Variants in GAS6 observed in about 807,000 individuals in gnomAD.
GAS6 encodes the protein growth arrest-specific protein 6.
GAS6 carries 41 observed loss-of-function variants against 75.8 expected under a neutral mutation model. That is an observed-to-expected ratio of 0.54 (90% confidence interval 0.42 to 0.70). GAS6 has a LOEUF of 0.70. GAS6 is among the 30% of genes least tolerant of loss of function. GAS6 has a pLI of 0.00. For synonymous variants in GAS6, 432 were observed against 412.6 expected, an observed-to-expected ratio of 1.05 and a Z score of -0.57; for missense variants, 854 against 940.2, an observed-to-expected ratio of 0.91 and a Z score of 1.20.
intron 3 of GAS6, chr13:113,847,124 G>A (rs765518349): frequency 2.0e-4 from 73 of 363,190 alleles, no homozygotes; most frequent in Non-Finnish European, 3.8e-4. Flanking sequence ...AGAACGGTGC[G>A]GGGCCTCTCG....
rs1178407254 is a variant in GAS6, at chr13:113,851,771, G to A, written c.256-3721C>T. On this transcript the variant is annotated intron_variant, in intron 2 of 14. Transcript: ENST00000327773. ...TCAGTTTCACTTAAATCATAGATAA[G>A]TACTTGGAAGAAAAGTCAAAATCAA... Among the ~76,000 whole-genome samples the A allele has an allele frequency of 4.6e-5, 7 of 152,358 alleles. No homozygotes were observed. In the East Asian group the frequency reaches 9.6e-4, roughly 21 times the overall value.
At chr13:113,842,744 G>A (rs2051799541) in intron 4 of GAS6, 1 of 396,952 alleles carries the variant, frequency 2.5e-6, no homozygotes, top group Non-Finnish European at 4.4e-6. Context: ...GGGATGTCTG[G>A]GGGATGCTGT....
At chr13:113,842,143 T>TCAGTTTCCTCCATACACCC (rs1409549172) in intron 4 of GAS6, 1 of 125,440 alleles carries the variant, frequency 8.0e-6, no homozygotes, top group African/African-American at 4.6e-5. Context: ...TCTGTATGCT[T>TCAGTTTCCTCCATACACCC]CAGTTTCCTC....
chr13:113,833,606 G>GTCGGTGTGACAGA (rs2138632897), intron 8 of GAS6: 1 of 996,116 alleles, frequency 1.0e-6, no homozygotes, highest in South Asian at 3.8e-5. Context: ...GGTGTGACAG[G>GTCGGTGTGACAGA]CACCGGTGTG....
intron 4 of GAS6, chr13:113,843,096 C>A (rs778986800): frequency 1.8e-4 from 68 of 371,818 alleles, no homozygotes; most frequent in Non-Finnish European, 3.1e-4. Context: ...TTCCTCCACA[C>A]AACAGGGAAA....
chr13:113,834,482 C>T, intron 8 of GAS6, 69 bp downstream of exon 8: 1 of 1,403,692 alleles, frequency 7.1e-7, no homozygotes, highest in South Asian at 1.6e-5. Context: ...AGTGTTTCTC[C>T]CGAAAGCCCC....
intron 8 of GAS6, chr13:113,833,423 C>G: frequency 1.0e-6 from 1 of 993,990 alleles, no homozygotes; most frequent in Non-Finnish European, 1.2e-6. Flanking sequence ...CTCCGAGAAG[C>G]TGTCCTGGTG....
Position 113,822,145 on chromosome 13 carries a change from C to G in GAS6, c.1695G>C (p.Met565Ile). 1 of 1,596,570 alleles carries G rather than the reference C, an allele frequency of 6.3e-7. No individual in the cohort carries two copies. The highest frequency in any genetic ancestry group is 8.5e-7 in the Non-Finnish European group (1 of 1,172,758). Residue 565 changes from methionine to isoleucine, a missense_variant, in exon 14 of 15, where the codon ATG becomes ATC. By Grantham distance (10) the Met-to-Ile change is conservative. Transcript: ENST00000327773. ...CTTGGCCGTCGCAGACCTTGATCTC[C>G]ATTAGGGCCAAGGCCGTATGCTCCA... ...LAVEHTALAL[M>I]EIKVCDGQEH... is the part of the protein sequence containing the mutation.
At chr13:113,858,760 T>C (rs1021445408) in intron 2 of GAS6, among the ~76,000 whole-genome samples, 1 of 151,912 alleles carries the variant, frequency 6.6e-6, no homozygotes, top group Non-Finnish European at 1.5e-5. Context: ...AGTATGTGTG[T>C]GCGTGTCATT....
At chr13:113,846,867 C>G (rs906214746) in intron 3 of GAS6, 4 of 510,514 alleles carry the variant, frequency 7.8e-6, no homozygotes, top group Admixed American at 5.8e-5. Context: ...TCCTGCCATA[C>G]GGGAGAATCA....
chr13:113,833,933 G>A (rs541824102), intron 8 of GAS6, among the ~76,000 whole-genome samples: 1 of 150,338 alleles, frequency 6.7e-6, no homozygotes, highest in Admixed American at 6.6e-5. Flanking sequence ...AGGCACCAGT[G>A]TGACAGGCCC....
At chr13:113,823,888 T>C (rs1172875572) in intron 12 of GAS6, among the ~76,000 whole-genome samples, 1 of 111,998 alleles carries the variant, frequency 8.9e-6, no homozygotes, top group Non-Finnish European at 1.7e-5. Flanking sequence ...GATGTCCTCT[T>C]GTTTCAGGAG....
rs7323317 is a variant in GAS6, at chr13:113,821,285, T to A, written c.1883-267A>T. 5.8e-3 allele frequency: 2,997 copies of A among 520,122 alleles called. 69 individuals carry two copies. Among genetic ancestry groups the A allele is most frequent in the African/African-American group, 0.05 (2,651 of 52,614 alleles). 32.2% of individuals were successfully genotyped at this position (520,122 alleles called of 1,614,324 possible). ...ACAGTCCCATCGGTTAAACGTGATCTTCTTCTGTGCCCAGTGAGTCATTCA... is the reference window on the plus strand; with the variant it reads ...ACAGTCCCATCGGTTAAACGTGATCATCTTCTGTGCCCAGTGAGTCATTCA... On this transcript the variant is annotated intron_variant, in intron 14 of 14. Transcript: ENST00000327773.
chr13:113,847,940 G>T, intron 3 of GAS6, 86 bp downstream of exon 3: 2 of 1,204,788 alleles, frequency 1.7e-6, no homozygotes, highest in Non-Finnish European at 2.5e-6. Context: ...CAAGAGTTAC[G>T]TGGTGAGGAG....
intron 10 of GAS6, 102 bp downstream of exon 10, chr13:113,832,197 C>T: frequency 7.6e-7 from 1 of 1,310,842 alleles, no homozygotes; most frequent in Non-Finnish European, 1.0e-6. Flanking sequence ...CAGATGCAGG[C>T]CCCAGAGCTC....
rs990121542 is a variant in GAS6 at position 113,845,542 on chromosome 13, C to G, written c.343+985G>C. 6 of 150,042 alleles carry G rather than the reference C, an allele frequency of 4.0e-5. 1 individual carries two copies. The highest frequency in any genetic ancestry group is 1.5e-4 in the African/African-American group (6 of 39,646). 9.3% of individuals were successfully genotyped at this position (150,042 alleles called of 1,614,324 possible). ...TAAAATTCATACAGGACACCCAAAA[C>G]AATCAATCTTATTGCATGATAATTT... is the stretch of plus-strand genomic sequence containing the variant. On this transcript the variant is annotated intron_variant, in intron 4 of 14. Coordinates refer to ENST00000327773, the MANE Select transcript of GAS6 (RefSeq NM_000820.4). This position sits in a 1 kb window ranked among gnomAD's most constrained non-coding sequence, Gnocchi z 4.3.
chr13:113,831,217 T>C (rs2051626486), intron 10 of GAS6, among the ~76,000 whole-genome samples: 1 of 152,136 alleles, frequency 6.6e-6, no homozygotes, highest in Non-Finnish European at 1.5e-5. Flanking sequence ...ACCCCTCAGG[T>C]TGCCCATGGG....
At chr13:113,846,638 G>T in intron 3 of GAS6, 49 bp from the exon 4 acceptor site, 1 of 1,489,512 alleles carries the variant, frequency 6.7e-7, no homozygotes, top group South Asian at 1.1e-5. Context: ...AAGACCGGAT[G>T]GACTGCAGAG....
chr13:113,841,885 A>T (rs74217130), intron 4 of GAS6: 1 of 58,156 alleles, frequency 1.7e-5, no homozygotes, highest in Non-Finnish European at 3.3e-5. Context: ...TCCTCCATAC[A>T]CCCCACAGTT....
Sources: gnomAD v4.1 joint callset for allele counts (sites outside exome capture counted in the v4.1 genomes callset) on GRCh38, gnomAD v4.1.1 for gene constraint, Gnocchi (gnomAD v3.1) non-coding constraint, MANE v1.5 for transcripts, NCBI Gene and HGNC (gene_info 2026-07-23, HGNC 2026-07-21) for gene names.